DDX10: variants seen among roughly 807,000 people sequenced by gnomAD.
DDX10 encodes probable ATP-dependent RNA helicase DDX10.
DDX10 carries 74 observed loss-of-function variants against 104.3 expected under a neutral mutation model. That is an observed-to-expected ratio of 0.71 (90% CI 0.59 to 0.86). The LOEUF is 0.86. Ranked by LOEUF, DDX10 falls within the 40% of genes least tolerant of loss-of-function variation. The pLI, the probability that DDX10 is intolerant of heterozygous loss-of-function variation, is 0.00. For synonymous variants in DDX10, 351 were observed against 353.4 expected, an observed-to-expected ratio of 0.99 and a Z score of 0.08; for missense variants, 952 against 1,040.0, an observed-to-expected ratio of 0.92 and a Z score of 1.16.
intron 13 of DDX10, among the ~76,000 whole-genome samples, chr11:108,833,133 G>T (rs1251205454): frequency 6.6e-6 from 1 of 152,174 alleles, no homozygotes; most frequent in Admixed American, 6.5e-5. Context: ...GACAGCACAG[G>T]TGTTTAGCAC....
chr11:108,892,820 A>G (rs1863393882), intron 16 of DDX10, among the ~76,000 whole-genome samples: 1 of 152,152 alleles, frequency 6.6e-6, no homozygotes, highest in Admixed American at 6.5e-5. Flanking sequence ...AAGGTTAATA[A>G]CCTTGGACTC....
At chr11:108,674,879 A>T (rs1313670564) in intron 2 of DDX10, among the ~76,000 whole-genome samples, 2 of 151,354 alleles carry the variant, frequency 1.3e-5, no homozygotes, top group Non-Finnish European at 2.9e-5. Context: ...ACATCTTCCC[A>T]CTCTCCTTAC....
intron 10 of DDX10, among the ~76,000 whole-genome samples, chr11:108,711,268 G>C (rs2094283914): frequency 6.6e-6 from 1 of 152,102 alleles, no homozygotes; most frequent in African/African-American, 2.4e-5. Context: ...ATTTTGTTTT[G>C]ACTTGTGTTA....
At chr11:108,753,443 A>G (rs1002071739) in intron 13 of DDX10, among the ~76,000 whole-genome samples, 2 of 152,112 alleles carry the variant, frequency 1.3e-5, no homozygotes, top group Non-Finnish European at 2.9e-5. Flanking sequence ...AGCATGGTAC[A>G]TATTATGTAC....
At chr11:108,726,768 T>A (rs1392568545) in intron 13 of DDX10, among the ~76,000 whole-genome samples, 1 of 152,148 alleles carries the variant, frequency 6.6e-6, no homozygotes, top group Non-Finnish European at 1.5e-5. Flanking sequence ...TTCCTGATCT[T>A]ACTGAGGGGG....
chr11:108,838,632 T>C (rs1862594349), intron 14 of DDX10, 67 bp downstream of exon 14: 2 of 1,490,122 alleles, frequency 1.3e-6, no homozygotes, highest in East Asian at 4.7e-5. Flanking sequence ...GACTCTCTCT[T>C]ACTTAGCACT....
At chr11:108,828,839 G>T (rs1862432197) in intron 13 of DDX10, among the ~76,000 whole-genome samples, 1 of 152,146 alleles carries the variant, frequency 6.6e-6, no homozygotes, top group African/African-American at 2.4e-5. Flanking sequence ...GGTCAGGCTG[G>T]TCTTGAACTC....
intron 13 of DDX10, among the ~76,000 whole-genome samples, chr11:108,738,130 A>G (rs941421002): frequency 5.3e-5 from 8 of 151,604 alleles, no homozygotes; most frequent in Admixed American, 3.3e-4. Context: ...CTTTTGATCT[A>G]TCTGAACTGT....
chr11:108,916,568 A>C (rs1287650503), intron 16 of DDX10, among the ~76,000 whole-genome samples: 1 of 152,182 alleles, frequency 6.6e-6, no homozygotes, highest in East Asian at 1.9e-4. Flanking sequence ...ACTGTTATTC[A>C]ATTTCTGGGA....
intron 16 of DDX10, among the ~76,000 whole-genome samples, chr11:108,854,172 A>G (rs2726921): frequency 0.99 from 151,000 of 152,322 alleles, 74,867 homozygotes; most frequent in Middle Eastern, 1. Flanking sequence ...TTTGCACCCA[A>G]CTTCCTTTCA....
intron 10 of DDX10, among the ~76,000 whole-genome samples, chr11:108,709,457 A>G (rs944404801): frequency 6.6e-6 from 1 of 152,182 alleles, no homozygotes; most frequent in African/African-American, 2.4e-5. Context: ...TATTGATTCA[A>G]TTTTTTTAAT....
At chr11:108,814,744 TA>T (rs529120499) in intron 13 of DDX10, among the ~76,000 whole-genome samples, 156 of 152,308 alleles carry the variant, frequency 1.0e-3, no homozygotes, top group Middle Eastern at 3.4e-3. Context: ...TAATGATCAT[TA>T]GGGGGAAGAT....
intron 16 of DDX10, among the ~76,000 whole-genome samples, chr11:108,913,852 CTT>C (rs1863711633): frequency 6.6e-6 from 1 of 152,136 alleles, no homozygotes; most frequent in Non-Finnish European, 1.5e-5. Flanking sequence ...AACTTAGTGA[CTT>C]GTGTTGTAAA....
intron 13 of DDX10, among the ~76,000 whole-genome samples, chr11:108,777,958 A>G (rs925201917): frequency 6.6e-6 from 1 of 152,186 alleles, no homozygotes; most frequent in Non-Finnish European, 1.5e-5. Context: ...CTTCAAAGAG[A>G]ATAAAATACC....
chr11:108,665,212 T>A lies in DDX10; in HGVS notation c.59T>A (p.Phe20Tyr), dbSNP rs1223113030. The A allele has an allele frequency of 6.2e-7, 1 of 1,613,348 alleles. No homozygotes were observed. The highest frequency in any genetic ancestry group is 8.5e-7 in the Non-Finnish European group (1 of 1,179,800). Residue 20 changes from phenylalanine to tyrosine, a missense_variant, in exon 1 of 18, where the codon TTC (phenylalanine) becomes TAC (tyrosine). By Grantham distance (22) the Phe-to-Tyr change is conservative. Around this residue, in one of 3 missense-constraint regions of DDX10, gnomAD observed 412 missense variants for 479.2 expected, o/e 0.86. Coordinates refer to ENST00000322536, the MANE Select transcript of DDX10 (RefSeq NM_004398.4). ...GCCCGACCCGACCCGGTGCGGAGCT[T>A]CAATCGCTGGAAGAAAAAACACAGC... Reference protein sequence around the residue: ...SGARPDPVRSFNRWKKKHSHR... With the variant: ...SGARPDPVRSYNRWKKKHSHR...
chr11:108,939,840 A>G (rs1026847325), intron 17 of DDX10, among the ~76,000 whole-genome samples: 1 of 152,230 alleles, frequency 6.6e-6, no homozygotes. Context: ...TAGAAGCAGT[A>G]CCTGGTGTCC....
chr11:108,735,402 T>C (rs1033845224), intron 13 of DDX10, among the ~76,000 whole-genome samples: 1 of 152,072 alleles, frequency 6.6e-6, no homozygotes, highest in Non-Finnish European at 1.5e-5. Flanking sequence ...ATGTGTGCTA[T>C]GGTAGGGGCA....
At chr11:108,669,423 C>T (rs2094214191) in intron 1 of DDX10, among the ~76,000 whole-genome samples, 1 of 152,056 alleles carries the variant, frequency 6.6e-6, no homozygotes, top group Non-Finnish European at 1.5e-5. Flanking sequence ...ATGAGTTCAT[C>T]AGATAGAAAA....
intron 14 of DDX10, 27 bp downstream of exon 14, chr11:108,838,592 T>C (rs754971693): frequency 6.3e-7 from 1 of 1,593,674 alleles, no homozygotes. Flanking sequence ...GTTTCATTTC[T>C]GAGGTGCATT....
Sources: allele counts gnomAD v4.1 joint callset (sites outside exome capture counted in the v4.1 genomes callset), GRCh38; gene constraint gnomAD v4.1.1; regional missense constraint gnomAD v4.1.1; transcripts MANE v1.5; gene names NCBI Gene and HGNC (gene_info 2026-07-23, HGNC 2026-07-21).